ANO1: variants seen among roughly 807,000 people sequenced by gnomAD.
ANO1 encodes the protein anoctamin-1.
ANO1 carries 59 observed loss-of-function variants against 124.0 expected under a neutral mutation model. The ratio of observed to expected loss-of-function variants is 0.48; its 90% CI spans 0.39 to 0.59. ANO1 has a LOEUF of 0.59. Among genes scored for constraint, ANO1 ranks in the 20% least tolerant of loss-of-function variants. The probability of loss-of-function intolerance (pLI) is 0.00; values close to 1 mark genes in which losing one functional copy is unlikely to be tolerated. For missense variants in ANO1, 1,059 were observed against 1,328.0 expected (o/e 0.80, Z 3.15); for synonymous variants, 529 against 532.0 (o/e 0.99, Z 0.08).
intron 14 of ANO1, among the ~76,000 whole-genome samples, 194 bp from the exon 15 acceptor site, chr11:70,155,717 C>T (rs1193386893): frequency 2.0e-5 from 3 of 152,208 alleles, no homozygotes; most frequent in East Asian, 1.9e-4. Flanking sequence ...ATGTTCTTTC[C>T]GAACGTAGGT....
At chr11:70,044,475 T>C (rs1039990204) in intron 1 of ANO1, among the ~76,000 whole-genome samples, 7 of 152,072 alleles carry the variant, frequency 4.6e-5, no homozygotes, top group Non-Finnish European at 8.8e-5. Context: ...GAACAAATTA[T>C]TCATCAAAAT....
rs138663138 is a variant in ANO1, at chr11:70,118,274, G to A, written c.897+1775G>A. On this transcript the variant is annotated intron_variant, in intron 8 of 25. Coordinates refer to ENST00000355303, the MANE Select transcript of ANO1 (RefSeq NM_018043.7). ...TCAGGATTGCTTGGCTGATGGTCAC[G>A]TCAGTGCCAGGACTAGCTCATTCAG... Among the ~76,000 whole-genome samples, 534 of 151,634 alleles carry A rather than the reference G, an allele frequency of 3.5e-3. 5 individuals are homozygous for A. The highest frequency in any genetic ancestry group is 0.012 in the African/African-American group (515 of 41,258).
intron 1 of ANO1, among the ~76,000 whole-genome samples, chr11:70,010,785 G>A (rs1321476354): frequency 6.6e-6 from 1 of 152,114 alleles, no homozygotes; most frequent in African/African-American, 2.4e-5. Flanking sequence ...CTCTGGAGAG[G>A]GGCACAGCCC....
At chr11:70,155,552 C>A (rs1329006667) in intron 14 of ANO1, among the ~76,000 whole-genome samples, 2 of 152,230 alleles carry the variant, frequency 1.3e-5, no homozygotes, top group Non-Finnish European at 2.9e-5. Flanking sequence ...CTGGGTGTGG[C>A]TTCCTTCTTG....
At chr11:70,119,004 A>G (rs2046125755) in intron 8 of ANO1, among the ~76,000 whole-genome samples, 1 of 132,326 alleles carries the variant, frequency 7.6e-6, no homozygotes, top group Non-Finnish European at 1.6e-5. Flanking sequence ...GGAATTAATG[A>G]TAGATGATGG....
chr11:70,065,573 C>T (rs1266679259), intron 1 of ANO1, among the ~76,000 whole-genome samples: 3 of 151,756 alleles, frequency 2.0e-5, no homozygotes, highest in African/African-American at 7.3e-5. Flanking sequence ...TGCCCTTGTC[C>T]CCCGTCGTCC....
chr11:70,117,816 C>G (rs974445764), intron 8 of ANO1, among the ~76,000 whole-genome samples: 4 of 152,238 alleles, frequency 2.6e-5, no homozygotes, highest in African/African-American at 9.6e-5. Flanking sequence ...TCAGCCTCCC[C>G]CACAGGCCCC....
chr11:70,016,191 C>T (rs1856701273), intron 1 of ANO1, among the ~76,000 whole-genome samples: 1 of 151,992 alleles, frequency 6.6e-6, no homozygotes, highest in South Asian at 2.1e-4. Context: ...CCACGCCCAG[C>T]TAATTTTTGT....
In ANO1 at chr11:70,124,217, C is replaced by T. The variant is rs1032337080; in HGVS notation, c.898-133C>T. On this transcript the variant is annotated intron_variant, in intron 8 of 25. Coordinates refer to ENST00000355303, the MANE Select transcript of ANO1 (RefSeq NM_018043.7). ...CCCATCCCCACGTTCACAGCCCACA[C>T]AGCCCACTCTCAAGAAGTGTTTATG... 6.5e-6 allele frequency: 5 copies of T among 768,180 alleles called. No individual in the cohort carries two copies. The African/African-American group carries it at 6.9e-5, about 11-fold the overall frequency. 47.6% of individuals were successfully genotyped at this position (768,180 alleles called of 1,614,324 possible).
chr11:70,112,904 G>A (rs78954455), intron 7 of ANO1, among the ~76,000 whole-genome samples: 2,038 of 152,264 alleles, frequency 0.013, 63 homozygotes, highest in African/African-American at 0.047. Flanking sequence ...AGACAAACTT[G>A]AGGTGCAGGG....
chr11:70,031,488 C>A (rs1368885659), intron 1 of ANO1, among the ~76,000 whole-genome samples: 2 of 152,198 alleles, frequency 1.3e-5, no homozygotes, highest in East Asian at 3.8e-4. Context: ...GGCAATTCTC[C>A]TTCCCTCTTT....
intron 1 of ANO1, among the ~76,000 whole-genome samples, chr11:70,071,253 G>A (rs1857867406): frequency 6.6e-6 from 1 of 152,176 alleles, no homozygotes; most frequent in Admixed American, 6.5e-5. Flanking sequence ...AGAAAAAGCT[G>A]TTCAACTATT....
intron 9 of ANO1, 69 bp downstream of exon 9, chr11:70,124,483 G>T: frequency 6.7e-7 from 1 of 1,493,814 alleles, no homozygotes; most frequent in Non-Finnish European, 9.3e-7. Context: ...CATCCCTGTG[G>T]GTTTCAACCG....
upstream of ANO1, among the ~76,000 whole-genome samples, chr11:70,076,600 C>T (rs2044060990): frequency 6.6e-6 from 1 of 152,180 alleles, no homozygotes; most frequent in East Asian, 1.9e-4. Context: ...GTGTGGGATT[C>T]TCCCAGCCCT....
chr11:70,179,186 T>C (rs12417151), intron 22 of ANO1, among the ~76,000 whole-genome samples: 15,012 of 152,284 alleles, frequency 0.099, 823 homozygotes, highest in Middle Eastern at 0.2. Flanking sequence ...ATCACCCATC[T>C]CAGAGCTGGC....
chr11:70,052,059 C>T (rs1346255550), intron 1 of ANO1, among the ~76,000 whole-genome samples: 2 of 152,254 alleles, frequency 1.3e-5, no homozygotes, highest in East Asian at 3.8e-4. Context: ...GACATAAGGT[C>T]AAGGTCCAGC....
intron 1 of ANO1, among the ~76,000 whole-genome samples, chr11:70,008,161 C>T (rs1199065851): frequency 6.6e-6 from 1 of 152,092 alleles, no homozygotes; most frequent in Non-Finnish European, 1.5e-5. Context: ...AGATATTAAT[C>T]CCTTATCAAA....
chr11:70,069,279 G>A (rs1399162978), intron 1 of ANO1, among the ~76,000 whole-genome samples: 1 of 152,232 alleles, frequency 6.6e-6, no homozygotes, highest in African/African-American at 2.4e-5. Flanking sequence ...GAAGGAACCT[G>A]TGGCTTTGAA....
At chr11:70,156,106 T>G in intron 15 of ANO1, 118 bp downstream of exon 15, 10 of 1,082,212 alleles carry the variant, frequency 9.2e-6, no homozygotes, top group Non-Finnish European at 1.3e-5. Context: ...ACATCCGTGT[T>G]TCTCTGTCTT....
Sources: allele counts gnomAD v4.1 joint callset (sites outside exome capture counted in the v4.1 genomes callset), GRCh38; gene constraint gnomAD v4.1.1; transcripts MANE v1.5; gene names NCBI Gene and HGNC (gene_info 2026-07-23, HGNC 2026-07-21).